The following AKAP13 variants were observed in gnomAD, a reference collection of about 807,000 sequenced individuals.
The protein encoded by AKAP13 is A-kinase anchor protein 13.
AKAP13 carries 80 observed loss-of-function variants against 264.5 expected under a neutral mutation model. The observed-to-expected ratio is 0.30, with a 90% CI of 0.25 to 0.36. The LOEUF (loss-of-function observed/expected upper bound fraction) is 0.36, where lower values mean the gene tolerates loss of function less well. Ranked by LOEUF, AKAP13 falls within the 10% of genes least tolerant of loss-of-function variation. The pLI is 1.00. For missense variants in AKAP13, 3,712 were observed against 3,435.2 expected (o/e 1.08, Z -2.01); for synonymous variants, 1,380 against 1,250.2 (o/e 1.10, Z -2.19).
intron 33 of AKAP13, among the ~76,000 whole-genome samples, chr15:85,737,092 G>A (rs2088590310): frequency 6.6e-6 from 1 of 151,898 alleles, no homozygotes. Flanking sequence ...CTAATTTTTT[G>A]TATTTTTAGT....
chr15:85,459,334 C>T (rs1430413000), intron 1 of AKAP13, among the ~76,000 whole-genome samples: 5 of 151,464 alleles, frequency 3.3e-5, no homozygotes, highest in East Asian at 1.9e-4. Flanking sequence ...TACAGGTGCC[C>T]GCCACCACGC....
chr15:85,388,746 T>TA (rs2070711495), intron 1 of AKAP13, among the ~76,000 whole-genome samples: 1 of 152,194 alleles, frequency 6.6e-6, no homozygotes, highest in Admixed American at 6.5e-5. Context: ...TACTGAATCT[T>TA]TTTTTATTTC....
intron 5 of AKAP13, among the ~76,000 whole-genome samples, chr15:85,562,574 A>AAATAT (rs1351834745): frequency 5.1e-5 from 4 of 77,684 alleles, no homozygotes; most frequent in African/African-American, 1.6e-4. Context: ...CAAAAAAAAA[A>AAATAT]ATATATATAT....
chr15:85,523,532 C>G (rs1339270249), intron 3 of AKAP13, among the ~76,000 whole-genome samples: 2 of 152,132 alleles, frequency 1.3e-5, no homozygotes, highest in African/African-American at 4.8e-5. Flanking sequence ...CCCTTTCCTG[C>G]TTTATGTTTC....
intron 17 of AKAP13, among the ~76,000 whole-genome samples, chr15:85,697,311 C>T (rs538121245): frequency 2.0e-5 from 3 of 152,342 alleles, no homozygotes; most frequent in East Asian, 1.9e-4. Context: ...TGGCTCACGC[C>T]TGTAATCCCA....
intron 1 of AKAP13, among the ~76,000 whole-genome samples, chr15:85,395,098 A>T (rs1039725086): frequency 6.6e-6 from 1 of 152,378 alleles, no homozygotes; most frequent in East Asian, 1.9e-4. Flanking sequence ...CCCATTGTTC[A>T]GAGGAACCGT....
intron 1 of AKAP13, among the ~76,000 whole-genome samples, chr15:85,454,928 G>C (rs2074232836): frequency 6.6e-6 from 1 of 152,212 alleles, no homozygotes; most frequent in African/African-American, 2.4e-5. Flanking sequence ...CTTACTGACA[G>C]ATTTTTAGGC....
intron 8 of AKAP13, among the ~76,000 whole-genome samples, chr15:85,613,694 ATAT>A (rs2080796205): frequency 1.0e-5 from 1 of 97,900 alleles, no homozygotes; most frequent in Admixed American, 1.0e-4. Flanking sequence ...AAAAAAAAAT[ATAT>A]ATATATATAT....
At chr15:85,415,668 A>G in intron 1 of AKAP13, 1 of 1,209,820 alleles carries the variant, frequency 8.3e-7, no homozygotes, top group Non-Finnish European at 1.2e-6. Context: ...GGAGTTAACT[A>G]AGAGAATGAC....
intron 8 of AKAP13, among the ~76,000 whole-genome samples, chr15:85,597,606 C>G (rs1416403892): frequency 6.6e-6 from 1 of 152,178 alleles, no homozygotes; most frequent in East Asian, 1.9e-4. Flanking sequence ...ATCTGCTGCA[C>G]TGGTGACTCT....
Position 85,579,713 on chromosome 15 carries a change from G to T in AKAP13, c.1645G>T (p.Ala549Ser). Residue 549 changes from alanine to serine, a missense_variant, in exon 7 of 37, where the codon GCT becomes TCT. Physicochemically the swap from Ala to Ser is moderately conservative, Grantham distance 99. Transcript: ENST00000394518. ...AASSLDGNKP[A>S]ESSLAFSNEE... The stretch of plus-strand genomic sequence containing the variant: ...CAGTTCCCTGGATGGTAACAAACCT[G>T]CTGAGTCTTCACTTGCATTTAGTAA... 1.2e-6 allele frequency: 2 copies of T among 1,614,226 alleles called. No homozygotes were observed. The highest frequency in any genetic ancestry group is 1.7e-6 in the Non-Finnish European group (2 of 1,180,040).
At chr15:85,428,495 G>A (rs1319277753) in intron 1 of AKAP13, among the ~76,000 whole-genome samples, 1 of 152,204 alleles carries the variant, frequency 6.6e-6, no homozygotes, top group Non-Finnish European at 1.5e-5. Context: ...CACCTCGCCT[G>A]GCCTTACCCT....
Position 85,745,354 on chromosome 15 carries a change from C to T in AKAP13, c.*677C>T, listed in dbSNP as rs2151796523. 1 of 152,022 alleles carries T rather than the reference C, an allele frequency of 6.6e-6. No individual in the cohort carries two copies. Among genetic ancestry groups the T allele is most frequent in the Admixed American group, 6.6e-5 (1 of 15,264 alleles). The allele number at this position is 152,022 out of a possible 1,614,324, so 9.4% of individuals were successfully genotyped here. ...CATTTGTGAAACCAGTGAGAGAAGG[C>T]TTGATGTGTATAAAAGACGTGATGT... is the stretch of plus-strand genomic sequence containing the variant. On this transcript the variant is annotated 3_prime_UTR_variant, in exon 37 of 37. Coordinates refer to ENST00000394518, the MANE Select transcript of AKAP13 (RefSeq NM_007200.5).
intron 1 of AKAP13, among the ~76,000 whole-genome samples, chr15:85,478,808 C>T (rs565365730): frequency 2.4e-4 from 36 of 149,822 alleles, no homozygotes; most frequent in African/African-American, 5.7e-4. Flanking sequence ...GCTAACTGTT[C>T]CGTATGAGAA....
chr15:85,626,905 A>G (rs1251945602), intron 8 of AKAP13, among the ~76,000 whole-genome samples: 1 of 152,188 alleles, frequency 6.6e-6, no homozygotes, highest in African/African-American at 2.4e-5. Context: ...ATCCTCGCCA[A>G]CACTTATTTT....
At chr15:85,418,713 A>G (rs554250073) in intron 1 of AKAP13, among the ~76,000 whole-genome samples, 104 of 152,346 alleles carry the variant, frequency 6.8e-4, no homozygotes, top group African/African-American at 2.4e-3. Context: ...CATATTTACA[A>G]TTTTTACTTC....
At chr15:85,697,238 A>AGG (rs2085614300) in intron 17 of AKAP13, among the ~76,000 whole-genome samples, 2 of 152,204 alleles carry the variant, frequency 1.3e-5, no homozygotes, top group South Asian at 4.1e-4. Flanking sequence ...AACCACCATG[A>AGG]GGAAGAATTA....
intron 1 of AKAP13, among the ~76,000 whole-genome samples, chr15:85,458,318 T>A (rs975292579): frequency 2.6e-5 from 4 of 151,440 alleles, no homozygotes; most frequent in African/African-American, 9.7e-5. Context: ...TAATTGTAAT[T>A]TCTAGGAATA....
At chr15:85,597,074 G>A (rs535447080) in intron 8 of AKAP13, among the ~76,000 whole-genome samples, 8 of 152,156 alleles carry the variant, frequency 5.3e-5, no homozygotes, top group Non-Finnish European at 1.2e-4. Context: ...TGTAAAAACA[G>A]CATGTGATCA....
Sources: gnomAD v4.1 joint callset for allele counts (sites outside exome capture counted in the v4.1 genomes callset) on GRCh38, gnomAD v4.1.1 for gene constraint, MANE v1.5 for transcripts, NCBI Gene and HGNC (gene_info 2026-07-23, HGNC 2026-07-21) for gene names.